The following PLCXD3 variants were observed in gnomAD, a reference collection of about 807,000 sequenced individuals.
The protein encoded by PLCXD3 is phosphatidylinositol specific phospholipase C X domain containing 3.
Under a neutral mutation model 25.5 loss-of-function variants are expected in PLCXD3, and 19 were observed. The observed-to-expected ratio is 0.75, with a 90% CI of 0.52 to 1.09. The LOEUF (loss-of-function observed/expected upper bound fraction) is 1.09, where lower values mean the gene tolerates loss of function less well. Among genes scored for constraint, PLCXD3 ranks in the 50% least tolerant of loss-of-function variants. The pLI is 0.00. For synonymous variants in PLCXD3, 174 were observed against 137.6 expected, an observed-to-expected ratio of 1.26 and a Z score of -1.85; for missense variants, 411 against 388.1, an observed-to-expected ratio of 1.06 and a Z score of -0.50.
chr5:41,479,363 G>A (rs918347424), intron 1 of PLCXD3, among the ~76,000 whole-genome samples: 1 of 152,086 alleles, frequency 6.6e-6, no homozygotes, highest in Non-Finnish European at 1.5e-5. Flanking sequence ...TGTTTGATTG[G>A]TATAGAGTTT....
chr5:41,349,006 A>G (rs981744288), intron 2 of PLCXD3, among the ~76,000 whole-genome samples: 1 of 152,200 alleles, frequency 6.6e-6, no homozygotes, highest in Non-Finnish European at 1.5e-5. Flanking sequence ...CCTGCGATTC[A>G]AAATTTCTGG....
chr5:41,456,349 C>T (rs1747752671), intron 1 of PLCXD3, among the ~76,000 whole-genome samples: 1 of 151,828 alleles, frequency 6.6e-6, no homozygotes, highest in South Asian at 2.1e-4. Flanking sequence ...ACATAAATAT[C>T]CATCATACTT....
chr5:41,420,512 A>C (rs1429209789), intron 1 of PLCXD3, among the ~76,000 whole-genome samples: 1 of 152,224 alleles, frequency 6.6e-6, no homozygotes, highest in East Asian at 1.9e-4. Context: ...TGTAACAGTG[A>C]CATGAAAGAT....
intron 2 of PLCXD3, among the ~76,000 whole-genome samples, chr5:41,363,884 T>G (rs1744857063): frequency 2.0e-5 from 3 of 152,254 alleles, no homozygotes; most frequent in Non-Finnish European, 4.4e-5. Flanking sequence ...AGCTTTGTCA[T>G]ATTTGTTTAA....
chr5:41,373,915 T>G (rs534938995), intron 2 of PLCXD3, among the ~76,000 whole-genome samples: 1 of 152,134 alleles, frequency 6.6e-6, no homozygotes, highest in Non-Finnish European at 1.5e-5. Context: ...TCAAACTAAG[T>G]AACACAAGAC....
At chr5:41,473,133 G>A (rs1461755103) in intron 1 of PLCXD3, among the ~76,000 whole-genome samples, 12 of 152,012 alleles carry the variant, frequency 7.9e-5, no homozygotes, top group Non-Finnish European at 1.5e-5. Context: ...TGGTTAGGGA[G>A]ACCTTGCCTG....
chr5:41,401,201 A>C (rs1401460796), intron 1 of PLCXD3, among the ~76,000 whole-genome samples: 4 of 151,934 alleles, frequency 2.6e-5, no homozygotes, highest in African/African-American at 7.2e-5. Flanking sequence ...AAACAGCAAA[A>C]GTTTTATTTT....
chr5:41,402,394 C>T (rs1279471685), intron 1 of PLCXD3, among the ~76,000 whole-genome samples: 1 of 151,508 alleles, frequency 6.6e-6, no homozygotes, highest in Admixed American at 6.6e-5. Flanking sequence ...ATTTCTTAGG[C>T]AGCTTTTTGT....
At chr5:41,473,319 C>G (rs72758327) in intron 1 of PLCXD3, among the ~76,000 whole-genome samples, 8,422 of 152,160 alleles carry the variant, frequency 0.055, 335 homozygotes, top group Non-Finnish European at 0.083. Context: ...AAAGTAATGA[C>G]TTTCTCCCTC....
At chr5:41,404,127 G>A (rs1358136839) in intron 1 of PLCXD3, among the ~76,000 whole-genome samples, 1 of 152,082 alleles carries the variant, frequency 6.6e-6, no homozygotes. Flanking sequence ...TGCACTGAAA[G>A]CATCATTGAA....
intron 1 of PLCXD3, among the ~76,000 whole-genome samples, chr5:41,402,378 T>G (rs1746211755): frequency 6.6e-6 from 1 of 151,768 alleles, no homozygotes; most frequent in South Asian, 2.1e-4. Context: ...TTCCAAATAT[T>G]TATAGATTTC....
chr5:41,466,885 ATCT>A (rs1016821874), intron 1 of PLCXD3, among the ~76,000 whole-genome samples: 2 of 152,104 alleles, frequency 1.3e-5, no homozygotes, highest in African/African-American at 4.8e-5. Context: ...AGTGACAGAA[ATCT>A]TCTCTTTTTT....
At chr5:41,414,543 T>A (rs991234583) in intron 1 of PLCXD3, among the ~76,000 whole-genome samples, 1 of 152,204 alleles carries the variant, frequency 6.6e-6, no homozygotes, top group Non-Finnish European at 1.5e-5. Flanking sequence ...GGAGGGTGAT[T>A]ATTATATTTG....
chr5:41,371,461 T>G (rs1463002072), intron 2 of PLCXD3, among the ~76,000 whole-genome samples: 1 of 152,168 alleles, frequency 6.6e-6, no homozygotes, highest in Non-Finnish European at 1.5e-5. Flanking sequence ...GACTTTGCTC[T>G]AGCCCTATGG....
At chr5:41,347,960 G>A (rs1041554408) in intron 2 of PLCXD3, among the ~76,000 whole-genome samples, 1 of 152,198 alleles carries the variant, frequency 6.6e-6, no homozygotes, top group African/African-American at 2.4e-5. Flanking sequence ...CACTCTTTGG[G>A]ATGGTGAGCA....
chr5:41,369,566 G>A (rs1008742568), intron 2 of PLCXD3, among the ~76,000 whole-genome samples: 1 of 152,110 alleles, frequency 6.6e-6, no homozygotes, highest in Non-Finnish European at 1.5e-5. Flanking sequence ...CTGCAACCCC[G>A]GCCTCCTGGG....
intron 1 of PLCXD3, among the ~76,000 whole-genome samples, chr5:41,390,608 T>C (rs1206826155): frequency 6.6e-6 from 1 of 152,102 alleles, no homozygotes; most frequent in East Asian, 1.9e-4. Flanking sequence ...CAAATAAAGA[T>C]GTTAAGAATC....
chr5:41,364,444 A>C (rs1453889657), intron 2 of PLCXD3, among the ~76,000 whole-genome samples: 1 of 152,146 alleles, frequency 6.6e-6, no homozygotes, highest in African/African-American at 2.4e-5. Flanking sequence ...AGAAAATCCT[A>C]TTTGCCTTAG....
intron 1 of PLCXD3, among the ~76,000 whole-genome samples, chr5:41,420,234 A>C (rs946466196): frequency 1.3e-5 from 2 of 152,214 alleles, no homozygotes; most frequent in African/African-American, 4.8e-5. Context: ...TATTAACTAG[A>C]GAGTAAAACA....
Sources: allele counts gnomAD v4.1 joint callset (sites outside exome capture counted in the v4.1 genomes callset), GRCh38; gene constraint gnomAD v4.1.1; transcripts MANE v1.5; gene names NCBI Gene and HGNC (gene_info 2026-07-23, HGNC 2026-07-21).